CADM2: variants seen among roughly 807,000 people sequenced by gnomAD.
CADM2 encodes immunoglobulin superfamily member 4D.
In CADM2, 12 loss-of-function variants were observed where a neutral mutation model predicts 49.8. The observed-to-expected ratio is 0.24, with a 90% CI of 0.15 to 0.39. The LOEUF is 0.39. Among genes scored for constraint, CADM2 ranks in the 10% least tolerant of loss-of-function variants. CADM2 has a pLI of 1.00. For synonymous variants in CADM2, 214 were observed against 175.4 expected, an observed-to-expected ratio of 1.22 and a Z score of -1.74; for missense variants, 378 against 492.3, an observed-to-expected ratio of 0.77 and a Z score of 2.20.
intron 2 of CADM2, among the ~76,000 whole-genome samples, chr3:85,782,449 G>A (rs928254821): frequency 6.6e-6 from 1 of 151,868 alleles, no homozygotes; most frequent in Non-Finnish European, 1.5e-5. Flanking sequence ...GGCTGAGGCG[G>A]GCGGATCACG....
intron 8 of CADM2, among the ~76,000 whole-genome samples, chr3:85,978,533 G>A (rs1454586943): frequency 8.6e-5 from 13 of 151,516 alleles, no homozygotes; most frequent in Admixed American, 4.6e-4. Flanking sequence ...ATTAGAAGGC[G>A]TTACCAGTTA....
At chr3:85,135,372 C>T (rs2039384981) in intron 1 of CADM2, among the ~76,000 whole-genome samples, 1 of 151,868 alleles carries the variant, frequency 6.6e-6, no homozygotes. Context: ...TATAATTATG[C>T]TGTTATATAA....
At chr3:85,900,826 A>T (rs1463862171) in intron 5 of CADM2, among the ~76,000 whole-genome samples, 4 of 152,164 alleles carry the variant, frequency 2.6e-5, no homozygotes, top group Non-Finnish European at 5.9e-5. Context: ...TGGCTTCTTC[A>T]TATGTGAGGA....
At chr3:85,366,055 A>G (rs2032758647) in intron 1 of CADM2, among the ~76,000 whole-genome samples, 1 of 152,148 alleles carries the variant, frequency 6.6e-6, no homozygotes, top group African/African-American at 2.4e-5. Flanking sequence ...GTCTTCTTAG[A>G]AGTACAAGTA....
chr3:85,993,381 T>C (rs1245458860), intron 8 of CADM2: 2 of 152,174 alleles, frequency 1.3e-5, no homozygotes, highest in African/African-American at 4.8e-5. Context: ...ATTTTTACCA[T>C]ATCTGCACTT....
At chr3:86,034,380 T>TA (rs1734914207) in intron 8 of CADM2, among the ~76,000 whole-genome samples, 1 of 151,970 alleles carries the variant, frequency 6.6e-6, no homozygotes, top group South Asian at 2.1e-4. Flanking sequence ...TTAGTGCTTG[T>TA]ATAAAGGGCT....
At chr3:85,595,280 T>C (rs1426678956) in intron 1 of CADM2, among the ~76,000 whole-genome samples, 1 of 151,952 alleles carries the variant, frequency 6.6e-6, no homozygotes, top group East Asian at 1.9e-4. Context: ...TAGAAATCTT[T>C]GTATTATTTA....
rs71617939 is a variant in CADM2, at chr3:85,449,052, A to AAAAAATAATAATAATAAT, written c.62-277468_62-277467insAAATAATAATAATAATAA. Among the ~76,000 whole-genome samples the AAAAAATAATAATAATAAT allele has an allele frequency of 2.1e-3, 223 of 107,430 alleles. 1 individual carries two copies. Among genetic ancestry groups the AAAAAATAATAATAATAAT allele is most frequent in the Non-Finnish European group, 3.8e-3 (183 of 47,944 alleles). 70.5% of individuals were successfully genotyped at this position (107,430 alleles called of 152,430 possible). A position where few individuals can be genotyped will look rare whatever the true frequency, so the allele number is the denominator to read the frequency against. ...GCAAAGGGGCGAGACTCCAACTCAA[A>AAAAAATAATAATAATAAT]AATAATAATAATAATAATAATAATG... is the stretch of plus-strand genomic sequence containing the variant. On this transcript the variant is annotated intron_variant, in intron 1 of 9. Transcript: ENST00000383699.
chr3:85,740,058 A>C (rs571692157), intron 2 of CADM2, among the ~76,000 whole-genome samples: 4 of 152,346 alleles, frequency 2.6e-5, no homozygotes, highest in African/African-American at 9.6e-5. Flanking sequence ...AAAAGTAGTC[A>C]CATGCAGTTA....
chr3:85,497,998 T>C (rs529078233), intron 1 of CADM2, among the ~76,000 whole-genome samples: 1 of 151,998 alleles, frequency 6.6e-6, no homozygotes, highest in African/African-American at 2.4e-5. Flanking sequence ...ATCTGTAACC[T>C]CAATATTAAC....
intron 1 of CADM2, among the ~76,000 whole-genome samples, chr3:85,382,657 A>G (rs2107359915): frequency 6.6e-6 from 1 of 152,320 alleles, no homozygotes; most frequent in South Asian, 2.1e-4. Flanking sequence ...ACTCAAATCT[A>G]TGCAGATCAC....
At chr3:85,984,484 T>A (rs1440675770) in intron 8 of CADM2, among the ~76,000 whole-genome samples, 22 of 151,766 alleles carry the variant, frequency 1.4e-4, no homozygotes, top group Non-Finnish European at 2.9e-5. Context: ...AGTTATATAT[T>A]TAAGTGGTTA....
chr3:85,212,834 C>CTTTCTTTCTTTCTTTCTTTCTTT (rs2041815995), intron 1 of CADM2, among the ~76,000 whole-genome samples: 1 of 106,308 alleles, frequency 9.4e-6, no homozygotes, highest in African/African-American at 4.3e-5. Flanking sequence ...TTCTTTCTTT[C>CTTTCTTTCTTTCTTTCTTTCTTT]TTTCTTTCTT....
chr3:85,293,160 C>T (rs186875191), intron 1 of CADM2, among the ~76,000 whole-genome samples: 4,610 of 152,188 alleles, frequency 0.03, 89 homozygotes, highest in South Asian at 0.047. Context: ...CTACAAACAC[C>T]TCTACGCAAA....
intron 1 of CADM2, among the ~76,000 whole-genome samples, chr3:85,087,409 A>C (rs1037151123): frequency 6.6e-6 from 1 of 152,196 alleles, no homozygotes; most frequent in Non-Finnish European, 1.5e-5. Flanking sequence ...TTGGCAAGCA[A>C]ATAAAATTAT....
At chr3:85,020,934 G>A (rs1318917925) in intron 1 of CADM2, among the ~76,000 whole-genome samples, 2 of 151,870 alleles carry the variant, frequency 1.3e-5, no homozygotes, top group African/African-American at 2.4e-5. Flanking sequence ...CATATTATAT[G>A]GCATTAATTT....
chr3:85,571,660 T>C (rs1012751829), intron 1 of CADM2, among the ~76,000 whole-genome samples: 1 of 152,238 alleles, frequency 6.6e-6, no homozygotes, highest in African/African-American at 2.4e-5. Context: ...ATTTTTCTCA[T>C]GCTTTGTTGG....
intron 3 of CADM2, among the ~76,000 whole-genome samples, chr3:85,839,961 A>G (rs1160179754): frequency 1.3e-5 from 2 of 151,912 alleles, no homozygotes; most frequent in Non-Finnish European, 2.9e-5. Context: ...TCACAGGGAC[A>G]TGTTCATTAA....
At chr3:85,302,568 A>G (rs2106998574) in intron 1 of CADM2, among the ~76,000 whole-genome samples, 1 of 152,180 alleles carries the variant, frequency 6.6e-6, no homozygotes, top group South Asian at 2.1e-4. Context: ...CTTTCTCATT[A>G]CGATCATGTA....
Sources: gnomAD v4.1 joint callset for allele counts (sites outside exome capture counted in the v4.1 genomes callset) on GRCh38, gnomAD v4.1.1 for gene constraint, MANE v1.5 for transcripts, NCBI Gene and HGNC (gene_info 2026-07-23, HGNC 2026-07-21) for gene names.